DNAH7: variants seen among roughly 807,000 people sequenced by gnomAD.
DNAH7 encodes the protein dynein axonemal heavy chain 7.
DNAH7 carries 397 observed loss-of-function variants against 444.6 expected under a neutral mutation model. That is an observed-to-expected ratio of 0.89 (90% confidence interval 0.82 to 0.97). DNAH7 has a LOEUF of 0.97. DNAH7 is among the 50% of genes least tolerant of loss of function. The pLI, the probability that DNAH7 is intolerant of heterozygous loss-of-function variation, is 0.00. For missense variants in DNAH7, 4,902 were observed against 4,800.8 expected (o/e 1.02, Z -0.62); for synonymous variants, 1,636 against 1,624.4 (o/e 1.01, Z -0.17).
intron 8 of DNAH7, among the ~76,000 whole-genome samples, chr2:196,021,303 T>C (rs1194840905): frequency 1.3e-5 from 2 of 152,158 alleles, no homozygotes; most frequent in African/African-American, 4.8e-5. Flanking sequence ...AACTCATAAA[T>C]GTAACGTTAG....
chr2:195,749,771 G>C (rs1289652301), intron 63 of DNAH7, among the ~76,000 whole-genome samples: 2 of 147,078 alleles, frequency 1.4e-5, no homozygotes, highest in African/African-American at 5.0e-5. Context: ...TCATAGGTGG[G>C]AATTGAACAA....
chr2:195,999,699 G>A (rs1693919028), intron 12 of DNAH7, among the ~76,000 whole-genome samples: 1 of 151,968 alleles, frequency 6.6e-6, no homozygotes, highest in East Asian at 1.9e-4. Flanking sequence ...AGGCCTATTT[G>A]AAAAGAACCT....
At position 195,884,779 on chromosome 2, in the gene DNAH7, C is replaced by A. The variant is rs371128668; in HGVS notation, c.5569G>T (p.Val1857Phe). 7.4e-6 allele frequency: 12 copies of A among 1,613,340 alleles called. No individual in the cohort carries two copies. The highest frequency in any genetic ancestry group is 4.4e-5 in the South Asian group (4 of 91,040). The part of the protein sequence containing the change: ...GIFLFSLIWS[V>F]GASCTDDDRL... ...TCATCATCTGTACAAGAAGCACCAA[C>A]GGACCAGATCAATGAAAACAGAAAA... Residue 1857 changes from valine (V) to phenylalanine (F), a missense_variant, in exon 35 of 65, where the codon GTT (valine) becomes TTT (phenylalanine). Val to Phe is a conservative substitution (Grantham distance 50). Coordinates refer to ENST00000312428, the MANE Select transcript of DNAH7 (RefSeq NM_018897.3).
At chr2:195,920,547 T>C (rs1168937374) in intron 24 of DNAH7, among the ~76,000 whole-genome samples, 3 of 152,182 alleles carry the variant, frequency 2.0e-5, no homozygotes, top group Admixed American at 2.0e-4. Context: ...TCCTCAGCTC[T>C]CACCTTATAT....
intron 46 of DNAH7, among the ~76,000 whole-genome samples, chr2:195,845,949 C>T (rs1698966526): frequency 6.6e-6 from 1 of 152,108 alleles, no homozygotes. Context: ...TAGGCCCTGG[C>T]CAAGATTAAA....
chr2:195,952,137 A>C lies in DNAH7; in HGVS notation c.3078+5124T>G, dbSNP rs137929314. 4.0e-3 allele frequency among the ~76,000 whole-genome samples: 602 copies of C among 152,078 alleles called. 1 individual carries two copies. Among genetic ancestry groups the C allele is most frequent in the African/African-American group, 0.013 (556 of 41,474 alleles). ...GTAAGGCAGGCCTGGTGTTGACAAA[A>C]TCTCTCAGGATTTGTTTGTCTGTAA... On this transcript the variant is annotated intron_variant, in intron 19 of 64. Coordinates refer to ENST00000312428, the MANE Select transcript of DNAH7 (RefSeq NM_018897.3).
intron 15 of DNAH7, among the ~76,000 whole-genome samples, chr2:195,983,639 A>G (rs185807133): frequency 1.3e-5 from 2 of 152,314 alleles, no homozygotes; most frequent in East Asian, 1.9e-4. Flanking sequence ...ATGTTTCAAC[A>G]TAAGATTTGG....
chr2:195,903,158 T>C (rs543559738), intron 27 of DNAH7: 2 of 152,200 alleles, frequency 1.3e-5, no homozygotes, highest in Admixed American at 6.5e-5. Context: ...TTCTGCTCTA[T>C]TGGTGGAGGA....
At chr2:195,961,327 T>C (rs1040272535) in intron 17 of DNAH7, among the ~76,000 whole-genome samples, 16 of 152,190 alleles carry the variant, frequency 1.1e-4, no homozygotes, top group African/African-American at 3.4e-4. Flanking sequence ...ATTTGTACAA[T>C]AGATACCTAA....
rs745633506 is a variant in DNAH7, at chr2:195,960,393, G to A, written c.2758C>T (p.His920Tyr). ...TEWDAVEFVI[H>Y]SYRETGTFIL... is the part of the protein sequence containing the mutation. ...AATGTCCCAGTTTCTCTATAAGAAT[G>A]GATGACAAATTCCACTGCATCCCAC... Residue 920 changes from histidine (H) to tyrosine (Y), a missense_variant, in exon 18 of 65, where the codon CAT becomes TAT. Physicochemically the swap from His to Tyr is moderately conservative, Grantham distance 83. Coordinates refer to ENST00000312428, the MANE Select transcript of DNAH7 (RefSeq NM_018897.3). The A allele has an allele frequency of 6.2e-7, 1 of 1,614,140 alleles. No individual in the cohort carries two copies. Among genetic ancestry groups the A allele is most frequent in the Non-Finnish European group, 8.5e-7 (1 of 1,180,012 alleles).
intron 2 of DNAH7, among the ~76,000 whole-genome samples, chr2:196,057,482 TA>T (rs567345134): frequency 6.6e-6 from 1 of 152,062 alleles, no homozygotes; most frequent in East Asian, 1.9e-4. Flanking sequence ...TTTGCAGAAC[TA>T]AAAAAAATGC....
At chr2:195,876,351 C>G (rs1283477126) in intron 37 of DNAH7, among the ~76,000 whole-genome samples, 193 bp downstream of exon 37, 1 of 152,160 alleles carries the variant, frequency 6.6e-6, no homozygotes, top group African/African-American at 2.4e-5. Context: ...CAAAGGGCAA[C>G]TCCTTGTTTT....
In DNAH7 at chr2:195,834,380, C is replaced by A. The variant is rs778526084; in HGVS notation, c.8946-20G>T. ...GCATTCCTGAAAAGGAGGAGAAAGA[C>A]GATGCTGGTCAAGCCATGATTTGTT... On this transcript the variant is annotated intron_variant, in intron 47 of 64. Coordinates refer to ENST00000312428, the MANE Select transcript of DNAH7 (RefSeq NM_018897.3). The A allele has an allele frequency of 2.5e-6, 4 of 1,575,880 alleles. No individual in the cohort carries two copies. The highest frequency in any genetic ancestry group is 3.5e-6 in the Non-Finnish European group (4 of 1,152,146).
At chr2:195,969,369 CAT>C (rs1474817734) in intron 17 of DNAH7, among the ~76,000 whole-genome samples, 2 of 152,194 alleles carry the variant, frequency 1.3e-5, no homozygotes, top group African/African-American at 4.8e-5. Context: ...CATAGTTAAT[CAT>C]ATGTTTTCAT....
chr2:195,763,184 C>A (rs1343023753), intron 61 of DNAH7, among the ~76,000 whole-genome samples: 1 of 152,052 alleles, frequency 6.6e-6, no homozygotes, highest in African/African-American at 2.4e-5. Flanking sequence ...ATGCAACATG[C>A]AAAATCCTAC....
At chr2:195,984,567 C>T in intron 15 of DNAH7, 65 bp downstream of exon 15, 2 of 1,431,476 alleles carry the variant, frequency 1.4e-6, no homozygotes, top group Non-Finnish European at 2.0e-6. Context: ...TGATTTGTTA[C>T]TCCGCATTAT....
chr2:195,977,027 G>A (rs1395191867), intron 15 of DNAH7, among the ~76,000 whole-genome samples: 1 of 152,132 alleles, frequency 6.6e-6, no homozygotes. Flanking sequence ...CAAGAAGGAA[G>A]GGTACAAACA....
At chr2:195,980,061 C>CAGAAAAAAA (rs1692464036) in intron 15 of DNAH7, among the ~76,000 whole-genome samples, 1 of 75,062 alleles carries the variant, frequency 1.3e-5, no homozygotes, top group East Asian at 4.6e-4. Context: ...CAAACTAATA[C>CAGAAAAAAA]AAAAAAAAAA....
chr2:195,987,857 A>G (rs900154986), intron 13 of DNAH7, 100 bp downstream of exon 13: 1 of 1,161,164 alleles, frequency 8.6e-7, no homozygotes, highest in African/African-American at 1.5e-5. Flanking sequence ...CCTGTTGATG[A>G]TAATGTTCTA....
Sources: allele counts gnomAD v4.1 joint callset (sites outside exome capture counted in the v4.1 genomes callset), GRCh38; gene constraint gnomAD v4.1.1; transcripts MANE v1.5; gene names NCBI Gene and HGNC (gene_info 2026-07-23, HGNC 2026-07-21).